Variants in KCND3 observed in about 807,000 individuals in gnomAD.
The protein encoded by KCND3 is A-type voltage-gated potassium channel KCND3.
In KCND3, 9 loss-of-function variants were observed where a neutral mutation model predicts 51.1. That is an observed-to-expected ratio of 0.18 (90% confidence interval 0.11 to 0.31). KCND3 has a LOEUF of 0.31. KCND3 is among the 10% of genes least tolerant of loss of function. KCND3 has a pLI of 1.00. For synonymous variants in KCND3, 349 were observed against 368.0 expected (o/e 0.95, Z 0.59); for missense variants, 526 against 903.8 (o/e 0.58, Z 5.36).
At chr1:111,805,373 G>A (rs1665518322) in intron 2 of KCND3, among the ~76,000 whole-genome samples, 2 of 152,122 alleles carry the variant, frequency 1.3e-5, no homozygotes, top group African/African-American at 4.8e-5. Flanking sequence ...CACAACCTGG[G>A]TGGGCACCTG....
At chr1:111,816,139 G>T (rs1666079411) in intron 2 of KCND3, among the ~76,000 whole-genome samples, 1 of 152,254 alleles carries the variant, frequency 6.6e-6, no homozygotes, top group Non-Finnish European at 1.5e-5. Flanking sequence ...GGGCATTTCT[G>T]TGACTTAGCC....
At chr1:111,929,552 C>A (rs1014707054) in intron 2 of KCND3, among the ~76,000 whole-genome samples, 3 of 152,182 alleles carry the variant, frequency 2.0e-5, no homozygotes, top group Non-Finnish European at 4.4e-5. Context: ...AGTTCTTGTC[C>A]CAACTACCCA....
intron 2 of KCND3, among the ~76,000 whole-genome samples, chr1:111,963,248 G>A (rs1332757109): frequency 6.6e-6 from 1 of 152,208 alleles, no homozygotes; most frequent in South Asian, 2.1e-4. Context: ...TTGTTATACA[G>A]TAAAAGCTAA....
At chr1:111,851,096 A>T (rs967609204) in intron 2 of KCND3, among the ~76,000 whole-genome samples, 3 of 152,108 alleles carry the variant, frequency 2.0e-5, no homozygotes, top group African/African-American at 4.8e-5. Flanking sequence ...ACTCCTAATC[A>T]TCCTTCAAAA....
chr1:111,881,106 G>C (rs896447562), intron 2 of KCND3, among the ~76,000 whole-genome samples: 6 of 152,154 alleles, frequency 3.9e-5, no homozygotes, highest in Admixed American at 1.3e-4. Context: ...TAGAGAAAGG[G>C]GCGGCCCCCC....
At chr1:111,902,815 G>A in intron 2 of KCND3, among the ~76,000 whole-genome samples, 1 of 152,158 alleles carries the variant, frequency 6.6e-6, no homozygotes, top group East Asian at 1.9e-4. Flanking sequence ...ACTGTGCCTG[G>A]AATATACTAG....
intron 2 of KCND3, among the ~76,000 whole-genome samples, chr1:111,979,801 C>T (rs1557765162): frequency 6.6e-6 from 1 of 152,150 alleles, no homozygotes; most frequent in African/African-American, 2.4e-5. Flanking sequence ...ATATAGTAGA[C>T]AATCATATGC....
chr1:111,916,919 C>A (rs924567083), intron 2 of KCND3, among the ~76,000 whole-genome samples: 2 of 152,126 alleles, frequency 1.3e-5, no homozygotes, highest in African/African-American at 4.8e-5. Context: ...AATCTTTCCA[C>A]AAATAAAATT....
intron 2 of KCND3, among the ~76,000 whole-genome samples, chr1:111,818,500 C>T (rs1157251586): frequency 1.3e-5 from 2 of 152,332 alleles, no homozygotes; most frequent in East Asian, 3.9e-4. Context: ...TTTCACCTGT[C>T]TGCGAGCCTT....
chr1:111,874,155 A>G (rs1387527670), intron 2 of KCND3, among the ~76,000 whole-genome samples: 1 of 152,226 alleles, frequency 6.6e-6, no homozygotes, highest in Non-Finnish European at 1.5e-5. Context: ...TTGGTAAGGC[A>G]AACATACTGT....
chr1:111,851,308 C>T (rs1477425312), intron 2 of KCND3, among the ~76,000 whole-genome samples: 1 of 152,228 alleles, frequency 6.6e-6, no homozygotes, highest in African/African-American at 2.4e-5. Flanking sequence ...TTCATATCAT[C>T]TAACACATGT....
intron 2 of KCND3, among the ~76,000 whole-genome samples, chr1:111,790,824 A>G (rs1294231438): frequency 6.6e-6 from 1 of 152,226 alleles, no homozygotes; most frequent in Non-Finnish European, 1.5e-5. Context: ...ATGGAACCAT[A>G]TATGTGGCTT....
intron 2 of KCND3, among the ~76,000 whole-genome samples, chr1:111,948,497 G>A (rs771657291): frequency 3.3e-5 from 5 of 152,200 alleles, no homozygotes; most frequent in Non-Finnish European, 5.9e-5. Flanking sequence ...CCACAGCATA[G>A]GGCTGTTCTG....
intron 2 of KCND3, among the ~76,000 whole-genome samples, chr1:111,882,099 G>T (rs1277221416): frequency 1.3e-5 from 2 of 152,196 alleles, no homozygotes; most frequent in Non-Finnish European, 2.9e-5. Flanking sequence ...CTGTTGGAGT[G>T]AGTGCCTGTA....
At chr1:111,985,706 C>A (rs1675238446) in intron 1 of KCND3, among the ~76,000 whole-genome samples, 1 of 152,226 alleles carries the variant, frequency 6.6e-6, no homozygotes. Context: ...CTGCCTCTGA[C>A]TCACTCAGTC....
intron 2 of KCND3, among the ~76,000 whole-genome samples, chr1:111,878,079 C>G (rs1279889637): frequency 6.6e-6 from 1 of 152,210 alleles, no homozygotes; most frequent in African/African-American, 2.4e-5. Flanking sequence ...ACACAGCTAA[C>G]AGGTGGGGGA....
At chr1:111,918,354 G>A (rs1671320072) in intron 2 of KCND3, among the ~76,000 whole-genome samples, 1 of 152,176 alleles carries the variant, frequency 6.6e-6, no homozygotes, top group South Asian at 2.1e-4. Flanking sequence ...GAAAAATAGA[G>A]TTTACAAAGC....
Position 111,982,897 on chromosome 1 carries a change from A to G in KCND3, c.-72-99T>C. The G allele has an allele frequency of 1.1e-6, 1 of 905,610 alleles. No homozygotes were observed. Among genetic ancestry groups the G allele is most frequent in the African/African-American group, 1.6e-5 (1 of 60,958 alleles). 56.1% of individuals were successfully genotyped at this position (905,610 alleles called of 1,614,324 possible). On this transcript the variant is annotated intron_variant, in intron 1 of 7. Coordinates refer to ENST00000302127, the MANE Select transcript of KCND3 (RefSeq NM_001378969.1). The surrounding 1 kb of genome is among the most constrained non-coding windows in gnomAD (Gnocchi z 8.5). ...AGGATCACTGGTGAGTGAAACGGCC[A>G]AAGTCTCCAGGGCAGATTAATAAAA...
At chr1:111,915,345 A>G (rs958554713) in intron 2 of KCND3, among the ~76,000 whole-genome samples, 1 of 151,978 alleles carries the variant, frequency 6.6e-6, no homozygotes, top group Non-Finnish European at 1.5e-5. Context: ...TTTTTTTTTT[A>G]AAAAGCAAGA....
Sources: allele counts gnomAD v4.1 joint callset (sites outside exome capture counted in the v4.1 genomes callset), GRCh38; gene constraint gnomAD v4.1.1; non-coding constraint Gnocchi (gnomAD v3.1); transcripts MANE v1.5; gene names NCBI Gene and HGNC (gene_info 2026-07-23, HGNC 2026-07-21).